The following KPNA5 variants were observed in gnomAD, a reference collection of about 807,000 sequenced individuals.
KPNA5 encodes importin subunit alpha-6.
Under a neutral mutation model 71.3 loss-of-function variants are expected in KPNA5, and 46 were observed. The ratio of observed to expected loss-of-function variants is 0.65; its 90% CI spans 0.51 to 0.83. The LOEUF is 0.83. KPNA5 is among the 40% of genes least tolerant of loss of function. KPNA5 has a pLI of 0.00. For missense variants in KPNA5, 547 were observed against 628.3 expected, an observed-to-expected ratio of 0.87 and a Z score of 1.38; for synonymous variants, 207 against 201.4, an observed-to-expected ratio of 1.03 and a Z score of -0.24.
At chr6:116,709,958 A>C (rs980901785) in intron 7 of KPNA5, among the ~76,000 whole-genome samples, 43 of 151,996 alleles carry the variant, frequency 2.8e-4, no homozygotes, top group African/African-American at 1.0e-3. Flanking sequence ...ACAGGGTTTC[A>C]CCATGTTGGC....
chr6:116,718,235 GT>G (rs1184353677), intron 8 of KPNA5, among the ~76,000 whole-genome samples: 13 of 148,510 alleles, frequency 8.8e-5, no homozygotes, highest in Non-Finnish European at 1.3e-4. Flanking sequence ...CATAATATAT[GT>G]GTTTTTCTAT....
chr6:116,701,271 A>G (rs1411369721), intron 5 of KPNA5, among the ~76,000 whole-genome samples: 1 of 152,200 alleles, frequency 6.6e-6, no homozygotes, highest in East Asian at 1.9e-4. Context: ...TATGTCAAAT[A>G]TGTGAAATAT....
At chr6:116,700,706 A>C (rs971244407) in intron 5 of KPNA5, among the ~76,000 whole-genome samples, 4 of 152,214 alleles carry the variant, frequency 2.6e-5, no homozygotes, top group African/African-American at 4.8e-5. Context: ...ATTAGATATT[A>C]CATGTTAAAA....
At chr6:116,702,251 C>A in intron 6 of KPNA5, 101 bp downstream of exon 6, 2 of 1,190,924 alleles carry the variant, frequency 1.7e-6, no homozygotes, top group African/African-American at 1.5e-5. Flanking sequence ...TTTCTAATTG[C>A]TGTATATTGC....
chr6:116,681,541 C>T (rs1221623665), intron 1 of KPNA5: 2 of 1,344,108 alleles, frequency 1.5e-6, no homozygotes, highest in Non-Finnish European at 1.9e-6. Flanking sequence ...CCCTTGCGGA[C>T]GCGAAGGCGT....
chr6:116,702,278 GT>G, intron 6 of KPNA5, 128 bp downstream of exon 6: 1 of 935,922 alleles, frequency 1.1e-6, no homozygotes, highest in Non-Finnish European at 1.6e-6. Flanking sequence ...TTGTAGTAGT[GT>G]TTTGGTGTTA....
intron 2 of KPNA5, 28 bp downstream of exon 2, chr6:116,689,481 T>C: frequency 6.6e-7 from 1 of 1,504,090 alleles, no homozygotes. Flanking sequence ...TTTAATTTTG[T>C]TTTTTAAAAT....
At chr6:116,695,665 T>G (rs1225373071) in intron 4 of KPNA5, among the ~76,000 whole-genome samples, 1 of 152,230 alleles carries the variant, frequency 6.6e-6, no homozygotes, top group Non-Finnish European at 1.5e-5. Context: ...ACTTTCATTT[T>G]CTGTTCCTCA....
intron 13 of KPNA5, among the ~76,000 whole-genome samples, chr6:116,731,512 G>A (rs891326101): frequency 6.6e-6 from 1 of 152,070 alleles, no homozygotes; most frequent in Non-Finnish European, 1.5e-5. Context: ...GCACTACCCA[G>A]ACTTACGTGT....
chr6:116,682,269 C>CT (rs1777392184), intron 1 of KPNA5, among the ~76,000 whole-genome samples: 1 of 152,134 alleles, frequency 6.6e-6, no homozygotes, highest in African/African-American at 2.4e-5. Flanking sequence ...GCGGAGCTTG[C>CT]AGTGAGCCGA....
At chr6:116,710,630 C>G (rs1051762735) in intron 7 of KPNA5, among the ~76,000 whole-genome samples, 1 of 151,756 alleles carries the variant, frequency 6.6e-6, no homozygotes, top group Non-Finnish European at 1.5e-5. Flanking sequence ...ACCAGTGAAG[C>G]CATCTGGTGC....
At chr6:116,720,989 A>G (rs2114481636) in intron 8 of KPNA5, among the ~76,000 whole-genome samples, 1 of 152,362 alleles carries the variant, frequency 6.6e-6, no homozygotes, top group South Asian at 2.1e-4. Flanking sequence ...TGATTTGTGT[A>G]CATGAGTCCT....
chr6:116,698,227 G>A (rs1778101126), intron 4 of KPNA5, among the ~76,000 whole-genome samples: 1 of 151,912 alleles, frequency 6.6e-6, no homozygotes, highest in South Asian at 2.1e-4. Context: ...ATCAGTAATT[G>A]TAGACAGTCC....
intron 2 of KPNA5, 43 bp from the exon 3 acceptor site, chr6:116,692,012 T>C: frequency 7.9e-7 from 1 of 1,263,830 alleles, no homozygotes; most frequent in Non-Finnish European, 1.2e-6. Context: ...ACTTAATGTT[T>C]TATGGAAAGC....
intron 7 of KPNA5, among the ~76,000 whole-genome samples, chr6:116,715,883 C>G (rs1001623673): frequency 6.6e-6 from 1 of 151,026 alleles, no homozygotes; most frequent in Non-Finnish European, 1.5e-5. Context: ...CCACTGCACT[C>G]CAGCATGGGT....
chr6:116,738,225 CTACGCAAATA>C lies in KPNA5; in HGVS notation c.*5906_*5915del, dbSNP rs972245034. The C allele has an allele frequency of 6.6e-6, 1 of 152,168 alleles. No individual in the cohort carries two copies. Among genetic ancestry groups the C allele is most frequent in the Non-Finnish European group, 1.5e-5 (1 of 68,030 alleles). The allele number at this position is 152,168 out of a possible 1,614,324, so 9.4% of individuals were successfully genotyped here. On this transcript the variant is annotated 3_prime_UTR_variant, in exon 14 of 14. Coordinates refer to ENST00000368564, the MANE Select transcript of KPNA5 (RefSeq NM_001366306.2). ...CCATCAGAGAATACTATAAACACCTCTACGCAAATATACTAGAAAATCTAGAAGAAATGGA... is the reference window on the plus strand; with the variant it reads ...CCATCAGAGAATACTATAAACACCTCTACTAGAAAATCTAGAAGAAATGGA...
In KPNA5 at chr6:116,732,072, GTTTATATA is replaced by G. The variant is rs1375925955; in HGVS notation, c.1433-62_1433-55del. 3.0e-4 allele frequency: 21 copies of G among 69,532 alleles called. No homozygotes were observed. In the South Asian group the frequency reaches 3.4e-3, roughly 11 times the overall value. 4.3% of individuals were successfully genotyped at this position (69,532 alleles called of 1,614,324 possible). ...TATACTGAAATTGTAGTAACAGTTT[GTTTATATA>G]TATATATATATATATATATATATAT... On this transcript the variant is annotated intron_variant, in intron 13 of 13. Coordinates refer to ENST00000368564, the MANE Select transcript of KPNA5 (RefSeq NM_001366306.2).
chr6:116,702,100 C>G lies in KPNA5; in HGVS notation c.517C>G (p.Pro173Ala). 2 of 1,613,802 alleles carry G rather than the reference C, an allele frequency of 1.2e-6. No homozygotes were observed. The highest frequency in any genetic ancestry group is 1.7e-6 in the Non-Finnish European group (2 of 1,179,884). ...GGTAGTGATTGAAACTGGGGCTGTT[C>G]CGATTTTTATCAAACTTCTTAATTC... Reference protein sequence around the residue: ...TKVVIETGAVPIFIKLLNSEH... With the variant: ...TKVVIETGAVAIFIKLLNSEH... The change falls in exon 6 of 14, where the codon CCG (proline) becomes GCG (alanine). Residue 173 changes from proline (P) to alanine (A), a missense_variant. Coordinates refer to ENST00000368564, the MANE Select transcript of KPNA5 (RefSeq NM_001366306.2).
chr6:116,693,682 A>G (rs1290388997), intron 4 of KPNA5, among the ~76,000 whole-genome samples: 1 of 152,058 alleles, frequency 6.6e-6, no homozygotes, highest in Non-Finnish European at 1.5e-5. Flanking sequence ...CCCATTTTGT[A>G]GGTTGCCTGT....
Sources: allele counts gnomAD v4.1 joint callset (sites outside exome capture counted in the v4.1 genomes callset), GRCh38; gene constraint gnomAD v4.1.1; transcripts MANE v1.5; gene names NCBI Gene and HGNC (gene_info 2026-07-23, HGNC 2026-07-21).